Variants in HOMER1 observed in about 807,000 individuals in gnomAD.
HOMER1 encodes the protein homer protein homolog 1.
HOMER1 carries 3 observed loss-of-function variants against 48.9 expected under a neutral mutation model. That is an observed-to-expected ratio of 0.06 (90% confidence interval 0.03 to 0.16). The LOEUF (loss-of-function observed/expected upper bound fraction) is 0.16, where lower values mean the gene tolerates loss of function less well. Ranked by LOEUF, HOMER1 falls within the 10% of genes least tolerant of loss-of-function variation. The pLI is 1.00. For synonymous variants in HOMER1, 134 were observed against 146.4 expected (o/e 0.92, Z 0.61); for missense variants, 247 against 411.4 (o/e 0.60, Z 3.46).
At chr5:79,482,902 C>T (rs1751985487) in intron 1 of HOMER1, among the ~76,000 whole-genome samples, 1 of 151,950 alleles carries the variant, frequency 6.6e-6, no homozygotes. Flanking sequence ...ACTCAAGAGG[C>T]CGAGGTGGAA....
intron 1 of HOMER1, among the ~76,000 whole-genome samples, chr5:79,503,868 T>A (rs941167558): frequency 3.3e-5 from 5 of 152,204 alleles, no homozygotes; most frequent in African/African-American, 1.2e-4. Flanking sequence ...GAAGGGTTGG[T>A]CTTGCTGTCT....
intron 1 of HOMER1, among the ~76,000 whole-genome samples, chr5:79,491,421 A>G (rs1752273158): frequency 7.2e-6 from 1 of 138,330 alleles, no homozygotes; most frequent in Non-Finnish European, 1.5e-5. Context: ...CCTGGATGAC[A>G]GAGCGAGACC....
chr5:79,505,255 T>C (rs1752715612), intron 1 of HOMER1, among the ~76,000 whole-genome samples: 1 of 151,060 alleles, frequency 6.6e-6, no homozygotes, highest in Non-Finnish European at 1.5e-5. Flanking sequence ...CAAGACTCTG[T>C]TTCAAAAAAG....
chr5:79,398,966 G>C (rs551237547), intron 6 of HOMER1, among the ~76,000 whole-genome samples: 1 of 152,152 alleles, frequency 6.6e-6, no homozygotes, highest in South Asian at 2.1e-4. Flanking sequence ...AGTCTTCAAG[G>C]CTCTCCTCTG....
intron 5 of HOMER1, among the ~76,000 whole-genome samples, chr5:79,420,962 A>G (rs190439043): frequency 1.6e-4 from 25 of 152,314 alleles, no homozygotes; most frequent in Admixed American, 2.6e-4. Flanking sequence ...TTTTAGATGC[A>G]TAACTTGCTA....
Position 79,375,003 on chromosome 5 carries a change from C to T in HOMER1, c.*1006G>A, listed in dbSNP as rs1466745959. ...CAGCTGTTTGATGTAAATGGACCCCCTTTAAAATAGCTATACACCTTAAAA... is the reference window on the plus strand; with the variant it reads ...CAGCTGTTTGATGTAAATGGACCCCTTTTAAAATAGCTATACACCTTAAAA... On this transcript the variant is annotated 3_prime_UTR_variant, in exon 9 of 9. Coordinates refer to ENST00000334082, the MANE Select transcript of HOMER1 (RefSeq NM_004272.5). 1 of 151,994 alleles carries T rather than the reference C, an allele frequency of 6.6e-6. No individual in the cohort carries two copies. Among genetic ancestry groups the T allele is most frequent in the African/African-American group, 2.4e-5 (1 of 41,396 alleles). 9.4% of individuals were successfully genotyped at this position (151,994 alleles called of 1,614,324 possible).
rs975062918 is a variant in HOMER1, at chr5:79,435,811, A to G, written c.527+3199T>C. ...GAGCCATTGCACTCCAGCCTGGGCAACAGAGTGAGACTCTGTCTCTAAATA... is the reference window on the plus strand; with the variant it reads ...GAGCCATTGCACTCCAGCCTGGGCAGCAGAGTGAGACTCTGTCTCTAAATA... On this transcript the variant is annotated intron_variant, in intron 5 of 8. Coordinates refer to ENST00000334082, the MANE Select transcript of HOMER1 (RefSeq NM_004272.5). Among the ~76,000 whole-genome samples the G allele has an allele frequency of 4.8e-4, 72 of 149,532 alleles. 1 individual carries two copies. Among genetic ancestry groups the G allele is most frequent in the Non-Finnish European group, 8.4e-4 (57 of 67,592 alleles).
At chr5:79,442,011 GA>G (rs766594034) in intron 4 of HOMER1, among the ~76,000 whole-genome samples, 1,436 of 135,014 alleles carry the variant, frequency 0.011, 12 homozygotes, top group Middle Eastern at 0.037. Context: ...TAAGAAAAAT[GA>G]AAAAAAAAAG....
At chr5:79,395,721 T>G (rs1035446821) in intron 8 of HOMER1, among the ~76,000 whole-genome samples, 1 of 152,236 alleles carries the variant, frequency 6.6e-6, no homozygotes, top group African/African-American at 2.4e-5. Flanking sequence ...ATTATCTTAG[T>G]GGTCAAAGAT....
At chr5:79,407,312 AAAGC>A (rs1459539828) in intron 5 of HOMER1, among the ~76,000 whole-genome samples, 1 of 151,640 alleles carries the variant, frequency 6.6e-6, no homozygotes, top group African/African-American at 2.4e-5. Flanking sequence ...GATGTATCAA[AAAGC>A]AAGAAAAAAA....
chr5:79,487,783 A>C (rs1207917826), intron 1 of HOMER1, among the ~76,000 whole-genome samples: 1 of 152,222 alleles, frequency 6.6e-6, no homozygotes, highest in Non-Finnish European at 1.5e-5. Context: ...AGGAATTATT[A>C]AGTGATTTTT....
rs558492487 is a variant in HOMER1 at position 79,485,944 on chromosome 5, A to G, written c.5+26826T>C. Among the ~76,000 whole-genome samples the G allele has an allele frequency of 1.4e-4, 21 of 152,262 alleles. No homozygotes were observed. The East Asian group carries it at 3.9e-3, about 28-fold the overall frequency. On this transcript the variant is annotated intron_variant, in intron 1 of 8. Transcript: ENST00000334082. ...GTGGGCCTTTGTGACTGCCTGAACC[A>G]AAATAATGAGGCAAAAGTAACACTG...
At position 79,513,861 on chromosome 5, in the gene HOMER1, G is replaced by C. The variant is rs529801173; in HGVS notation, c.-1087C>G. ...CAGGAGAGCTGGGCTCGAAGCCGAA[G>C]CGCAGCCGCCGCTCCAGCGCCCCCA... On this transcript the variant is annotated 5_prime_UTR_variant, in exon 1 of 9. Coordinates refer to ENST00000334082, the MANE Select transcript of HOMER1 (RefSeq NM_004272.5). 6.5e-6 allele frequency: 1 copy of C among 153,846 alleles called. No homozygotes were observed. The highest frequency in any genetic ancestry group is 2.4e-5 in the African/African-American group (1 of 41,540). 9.5% of individuals were successfully genotyped at this position (153,846 alleles called of 1,614,324 possible).
intron 1 of HOMER1, among the ~76,000 whole-genome samples, chr5:79,467,247 T>TG (rs1176929401): frequency 6.6e-6 from 1 of 151,650 alleles, no homozygotes; most frequent in African/African-American, 2.4e-5. Context: ...AAAAATTAGC[T>TG]GGGCGTGCTG....
intron 5 of HOMER1, among the ~76,000 whole-genome samples, chr5:79,423,723 A>G (rs1750167512): frequency 6.6e-6 from 1 of 152,116 alleles, no homozygotes; most frequent in African/African-American, 2.4e-5. Flanking sequence ...TAAAGGCAGG[A>G]TCACTTTAAG....
intron 4 of HOMER1, 59 bp downstream of exon 4, chr5:79,446,994 G>T: frequency 9.5e-7 from 1 of 1,053,148 alleles, no homozygotes; most frequent in Non-Finnish European, 1.5e-6. Flanking sequence ...ATTCTGGCAT[G>T]AAGGATATTA....
At chr5:79,465,779 G>A (rs1457123316) in intron 1 of HOMER1, among the ~76,000 whole-genome samples, 3 of 151,786 alleles carry the variant, frequency 2.0e-5, no homozygotes, top group South Asian at 4.2e-4. Flanking sequence ...TTTTTTAGTA[G>A]AGATGGGGTT....
At chr5:79,380,035 G>T (rs1748926015) in intron 8 of HOMER1, among the ~76,000 whole-genome samples, 1 of 152,160 alleles carries the variant, frequency 6.6e-6, no homozygotes, top group Admixed American at 6.5e-5. Flanking sequence ...TCCAACAGAG[G>T]ACACTGGAAT....
intron 1 of HOMER1, among the ~76,000 whole-genome samples, chr5:79,464,672 C>CA (rs1202946654): frequency 6.6e-6 from 1 of 152,166 alleles, no homozygotes; most frequent in East Asian, 1.9e-4. Context: ...CTTTCTCATA[C>CA]ATATATCCTA....
Sources: gnomAD v4.1 joint callset for allele counts (sites outside exome capture counted in the v4.1 genomes callset) on GRCh38, gnomAD v4.1.1 for gene constraint, MANE v1.5 for transcripts, NCBI Gene and HGNC (gene_info 2026-07-23, HGNC 2026-07-21) for gene names.